The following PRKCQ variants were observed in gnomAD, a reference collection of about 807,000 sequenced individuals.
PRKCQ encodes the protein protein kinase C theta, also known as protein kinase C theta type.
A neutral mutation model predicts 91.2 loss-of-function variants in PRKCQ; 41 were observed. The observed-to-expected ratio is 0.45, with a 90% confidence interval of 0.35 to 0.58. The LOEUF is 0.58. Ranked by LOEUF, PRKCQ falls within the 20% of genes least tolerant of loss-of-function variation. PRKCQ has a pLI of 0.00. For synonymous variants in PRKCQ, 307 were observed against 316.9 expected, an observed-to-expected ratio of 0.97 and a Z score of 0.33; for missense variants, 673 against 896.5, an observed-to-expected ratio of 0.75 and a Z score of 3.18.
intron 17 of PRKCQ, 49 bp from the exon 18 acceptor site, chr10:6,428,411 T>G (rs773154569): frequency 6.3e-7 from 1 of 1,584,292 alleles, no homozygotes; most frequent in Admixed American, 1.7e-5. Flanking sequence ...AATCAGCCAT[T>G]AAGTTCATGA....
intron 2 of PRKCQ, among the ~76,000 whole-genome samples, chr10:6,514,769 C>T (rs1292839220): frequency 6.6e-6 from 1 of 152,130 alleles, no homozygotes; most frequent in Non-Finnish European, 1.5e-5. Context: ...TTTCTCTTTC[C>T]CTTTGTATAT....
intron 15 of PRKCQ, among the ~76,000 whole-genome samples, chr10:6,453,376 T>A (rs2132298767): frequency 6.6e-6 from 1 of 152,254 alleles, no homozygotes; most frequent in Admixed American, 6.5e-5. Context: ...TGAGATACCA[T>A]CTCACACCAG....
downstream of PRKCQ, among the ~76,000 whole-genome samples, chr10:6,422,951 G>A (rs1174752464): frequency 6.6e-6 from 1 of 152,168 alleles, no homozygotes; most frequent in African/African-American, 2.4e-5. Flanking sequence ...AGTGAGTTGG[G>A]TGCTGTACAG....
At chr10:6,399,047 A>G in the PRKCQ span, among the ~76,000 whole-genome samples, 2 of 152,150 alleles carry the variant, frequency 1.3e-5, 1 homozygote, top group South Asian at 4.1e-4. Context: ...AGGCATATCA[A>G]TACAATGATA....
chr10:6,478,278 C>A (rs971429037), intron 12 of PRKCQ, among the ~76,000 whole-genome samples: 1 of 152,118 alleles, frequency 6.6e-6, no homozygotes, highest in African/African-American at 2.4e-5. Context: ...GAAGGAGAAA[C>A]TTCAAAGTAT....
intron 2 of PRKCQ, among the ~76,000 whole-genome samples, chr10:6,513,263 T>A (rs1838577349): frequency 6.6e-6 from 1 of 152,190 alleles, no homozygotes; most frequent in Non-Finnish European, 1.5e-5. Flanking sequence ...GAAGTAAATA[T>A]TGAATGATAA....
rs555987572 is a variant in PRKCQ at position 6,462,153 on chromosome 10, C to T, written c.1508+150G>A. 8.6e-6 allele frequency: 6 copies of T among 699,460 alleles called. No homozygotes were observed. In the South Asian group the frequency reaches 1.1e-4, roughly 12 times the overall value. 43.3% of individuals were successfully genotyped at this position (699,460 alleles called of 1,614,324 possible). ...GTCTTCCTTGGTTGTAAGTCATCAT[C>T]CATGTAATCATTGTGGGCAGCAGAC... On this transcript the variant is annotated intron_variant, in intron 14 of 17. Transcript: ENST00000263125.
chr10:6,533,780 G>T (rs1839476936), intron 1 of PRKCQ, among the ~76,000 whole-genome samples: 2 of 152,192 alleles, frequency 1.3e-5, no homozygotes, highest in Non-Finnish European at 1.5e-5. Context: ...AACTCAACGG[G>T]AAAGGGAAAG....
At chr10:6,508,307 T>C (rs554417494) in intron 3 of PRKCQ, among the ~76,000 whole-genome samples, 1 of 152,252 alleles carries the variant, frequency 6.6e-6, no homozygotes, top group South Asian at 2.1e-4. Flanking sequence ...AGAAGATGAC[T>C]TGAAGGTCAT....
chr10:6,477,354 C>T (rs529358059), intron 12 of PRKCQ, among the ~76,000 whole-genome samples: 2 of 152,236 alleles, frequency 1.3e-5, no homozygotes, highest in Non-Finnish European at 2.9e-5. Flanking sequence ...TTGCCATGGT[C>T]TGGCTTCTCT....
At chr10:6,542,929 A>T (rs947323430) in intron 1 of PRKCQ, among the ~76,000 whole-genome samples, 1 of 152,228 alleles carries the variant, frequency 6.6e-6, no homozygotes, top group Non-Finnish European at 1.5e-5. Flanking sequence ...GTAATATAAA[A>T]GGGTTTCTTT....
chr10:6,485,416 A>T, intron 9 of PRKCQ, 147 bp from the exon 10 acceptor site: 1 of 683,952 alleles, frequency 1.5e-6, no homozygotes, highest in Non-Finnish European at 2.6e-6. Flanking sequence ...TTCTTTTGGA[A>T]CCCCATATTC....
At chr10:6,421,805 G>A in the PRKCQ span, among the ~76,000 whole-genome samples, 1 of 152,216 alleles carries the variant, frequency 6.6e-6, no homozygotes, top group Non-Finnish European at 1.5e-5. The surrounding 1 kb of genome is among the most constrained non-coding windows in gnomAD (Gnocchi z 4.1). Flanking sequence ...GAAAGGTGGT[G>A]CATAGATCGA....
At chr10:6,543,554 T>C (rs563505614) in intron 1 of PRKCQ, among the ~76,000 whole-genome samples, 2 of 152,294 alleles carry the variant, frequency 1.3e-5, no homozygotes, top group African/African-American at 4.8e-5. Context: ...GTCACCCTTA[T>C]CAATTAGAGA....
chr10:6,419,685 C>CTT, the PRKCQ span, among the ~76,000 whole-genome samples: 13 of 108,020 alleles, frequency 1.2e-4, no homozygotes, highest in Non-Finnish European at 1.7e-4. Flanking sequence ...CTGAAATCTC[C>CTT]TTTTTTTTTT....
At chr10:6,573,460 C>T (rs544234090) in intron 1 of PRKCQ, among the ~76,000 whole-genome samples, 1 of 152,332 alleles carries the variant, frequency 6.6e-6, no homozygotes, top group East Asian at 1.9e-4. Context: ...GAAAGCCTTT[C>T]CTGAACCTCC....
chr10:6,446,357 GTTTTT>G lies in PRKCQ; in HGVS notation c.1648-4281_1648-4277del, dbSNP rs66839272. ...AGCTGTCATGGTCACACTATGCTCAGTTTTTTTTTTTTTTTTTTTTTTTTGGAGAC... is the reference window on the plus strand; with the variant it reads ...AGCTGTCATGGTCACACTATGCTCAGTTTTTTTTTTTTTTTTTTTGGAGAC... On this transcript the variant is annotated intron_variant, in intron 15 of 17. Coordinates refer to ENST00000263125, the MANE Select transcript of PRKCQ (RefSeq NM_006257.5). 3.8e-5 allele frequency among the ~76,000 whole-genome samples: 3 copies of G among 79,600 alleles called. 1 individual carries two copies. The highest frequency in any genetic ancestry group is 9.8e-4 in the South Asian group (2 of 2,048). 52.2% of individuals were successfully genotyped at this position (79,600 alleles called of 152,430 possible). A position where few individuals can be genotyped will look rare whatever the true frequency, so the allele number is the denominator to read the frequency against.
chr10:6,395,519 G>A, the PRKCQ span, among the ~76,000 whole-genome samples: 1 of 152,138 alleles, frequency 6.6e-6, no homozygotes, highest in Non-Finnish European at 1.5e-5. Context: ...CCTGATCTTA[G>A]GAGCAGCTTA....
At chr10:6,545,266 A>C (rs1254553471) in intron 1 of PRKCQ, among the ~76,000 whole-genome samples, 1 of 152,246 alleles carries the variant, frequency 6.6e-6, no homozygotes, top group African/African-American at 2.4e-5. Flanking sequence ...CATGGCTCAA[A>C]GCACTGCACT....
Sources: allele counts gnomAD v4.1 joint callset (sites outside exome capture counted in the v4.1 genomes callset), GRCh38; gene constraint gnomAD v4.1.1; non-coding constraint Gnocchi (gnomAD v3.1); transcripts MANE v1.5; gene names NCBI Gene and HGNC (gene_info 2026-07-23, HGNC 2026-07-21).